The following SHISA6 variants were observed in gnomAD, a reference collection of about 807,000 sequenced individuals.
SHISA6 encodes protein shisa-6.
A neutral mutation model predicts 47.9 loss-of-function variants in SHISA6; 22 were observed. The observed-to-expected ratio is 0.46, with a 90% CI of 0.33 to 0.66. SHISA6 has a LOEUF of 0.66. SHISA6 is among the 30% of genes least tolerant of loss of function. The pLI, the probability that SHISA6 is intolerant of heterozygous loss-of-function variation, is 0.02. For synonymous variants in SHISA6, 388 were observed against 337.8 expected (o/e 1.15, Z -1.63); for missense variants, 680 against 764.6 (o/e 0.89, Z 1.30).
At chr17:11,266,770 G>C (rs993848935) in intron 2 of SHISA6, among the ~76,000 whole-genome samples, 1 of 152,190 alleles carries the variant, frequency 6.6e-6, no homozygotes, top group African/African-American at 2.4e-5. Flanking sequence ...CCTTAGACCA[G>C]GCAGGGCCCA....
chr17:11,419,932 G>A (rs1017511820), intron 3 of SHISA6, among the ~76,000 whole-genome samples: 5 of 152,264 alleles, frequency 3.3e-5, no homozygotes, highest in South Asian at 2.1e-4. Context: ...GGCTGGGTGC[G>A]GTGGCCCACA....
chr17:11,527,482 C>A lies in SHISA6; in HGVS notation c.896-24414C>A, dbSNP rs140924227. On this transcript the variant is annotated intron_variant, in intron 3 of 5. Coordinates refer to ENST00000441885, the MANE Select transcript of SHISA6 (RefSeq NM_207386.4). The stretch of plus-strand genomic sequence containing the variant: ...TGGATGATGTGTATGCCTTTCCAGC[C>A]ATATAAGGATGAGAAGGATAATCAT... Among the ~76,000 whole-genome samples the A allele has an allele frequency of 4.0e-4, 61 of 152,076 alleles. 1 individual carries two copies. In the East Asian group the frequency reaches 4.3e-3, roughly 11 times the overall value.
intron 1 of SHISA6, among the ~76,000 whole-genome samples, chr17:11,243,109 C>G (rs1907436811): frequency 1.3e-5 from 2 of 151,792 alleles, no homozygotes; most frequent in African/African-American, 4.8e-5. Context: ...GAGCACCCCC[C>G]AGACCACTGC....
chr17:11,304,295 A>G (rs1354367278), intron 2 of SHISA6, among the ~76,000 whole-genome samples: 1 of 152,170 alleles, frequency 6.6e-6, no homozygotes, highest in Non-Finnish European at 1.5e-5. Context: ...GAACAGGAAG[A>G]TGTGAGCTTC....
intron 3 of SHISA6, among the ~76,000 whole-genome samples, chr17:11,537,104 T>C (rs2071794459): frequency 6.6e-6 from 1 of 152,050 alleles, no homozygotes; most frequent in South Asian, 2.1e-4. Flanking sequence ...CACTTTTTTT[T>C]CAAGCAGAAT....
intron 3 of SHISA6, among the ~76,000 whole-genome samples, chr17:11,491,375 A>T (rs982220038): frequency 6.6e-6 from 1 of 152,154 alleles, no homozygotes; most frequent in African/African-American, 2.4e-5. Flanking sequence ...ATCACGGCCC[A>T]CTGCAGCCTT....
At chr17:11,280,444 G>A (rs1052016173) in intron 2 of SHISA6, among the ~76,000 whole-genome samples, 2 of 152,204 alleles carry the variant, frequency 1.3e-5, no homozygotes, top group African/African-American at 2.4e-5. Context: ...GGCGTCTGGC[G>A]AGAGAGGTTG....
At chr17:11,480,322 C>T (rs760252120) in intron 3 of SHISA6, among the ~76,000 whole-genome samples, 2 of 151,924 alleles carry the variant, frequency 1.3e-5, no homozygotes, top group Non-Finnish European at 2.9e-5. Flanking sequence ...AGTTTGATAC[C>T]TGTTATTAAT....
At chr17:11,245,634 C>T (rs1239330918) in intron 1 of SHISA6, among the ~76,000 whole-genome samples, 10 of 149,920 alleles carry the variant, frequency 6.7e-5, no homozygotes, top group African/African-American at 2.4e-5. Context: ...GGCTAATTAA[C>T]AGATGGGTCA....
intron 2 of SHISA6, among the ~76,000 whole-genome samples, chr17:11,321,124 G>A (rs1020574883): frequency 6.6e-6 from 1 of 152,182 alleles, no homozygotes; most frequent in African/African-American, 2.4e-5. Flanking sequence ...CAGCATCTTT[G>A]TCATTGTATT....
chr17:11,429,620 TAAAAAA>T (rs34738346), intron 3 of SHISA6, among the ~76,000 whole-genome samples: 10 of 121,570 alleles, frequency 8.2e-5, no homozygotes, highest in Admixed American at 8.6e-5. Context: ...CATCTCTACT[TAAAAAA>T]AAAAAAAAAA....
intron 3 of SHISA6, among the ~76,000 whole-genome samples, chr17:11,476,667 T>A (rs1342633285): frequency 6.6e-6 from 1 of 151,716 alleles, no homozygotes; most frequent in East Asian, 1.9e-4. Context: ...AAGGCATATT[T>A]CCTGGCCCAG....
At chr17:11,288,103 A>G (rs889536406) in intron 2 of SHISA6, 8 of 152,354 alleles carry the variant, frequency 5.3e-5, no homozygotes, top group African/African-American at 1.9e-4. Flanking sequence ...CATCTGTGAC[A>G]TCTTAAGGAT....
intron 1 of SHISA6, among the ~76,000 whole-genome samples, chr17:11,249,012 C>T (rs1597420363): frequency 3.9e-5 from 6 of 152,142 alleles, no homozygotes; most frequent in African/African-American, 1.4e-4. Context: ...GGTGGCGGCG[C>T]CTGTAGTCCC....
At chr17:11,530,211 A>G (rs2071720680) in intron 3 of SHISA6, among the ~76,000 whole-genome samples, 1 of 152,176 alleles carries the variant, frequency 6.6e-6, no homozygotes, top group Non-Finnish European at 1.5e-5. Flanking sequence ...CCTTATTGAT[A>G]ACACCATTGA....
intron 3 of SHISA6, among the ~76,000 whole-genome samples, chr17:11,529,709 T>C (rs1022781156): frequency 2.6e-5 from 4 of 152,116 alleles, no homozygotes; most frequent in Non-Finnish European, 5.9e-5. Context: ...GTAAGAGATT[T>C]GTGAGTCAAA....
intron 2 of SHISA6, among the ~76,000 whole-genome samples, chr17:11,320,190 A>G (rs1910662917): frequency 6.6e-6 from 1 of 152,230 alleles, no homozygotes; most frequent in South Asian, 2.1e-4. Context: ...AGTGAAGAAA[A>G]CTATTCTGAA....
intron 3 of SHISA6, among the ~76,000 whole-genome samples, chr17:11,463,666 G>A (rs1047228288): frequency 6.6e-6 from 1 of 152,160 alleles, no homozygotes; most frequent in Non-Finnish European, 1.5e-5. Context: ...ACATCATGGA[G>A]AATGTTCCTA....
chr17:11,324,513 T>C (rs920485273), intron 2 of SHISA6, among the ~76,000 whole-genome samples: 8 of 152,120 alleles, frequency 5.3e-5, no homozygotes, highest in Admixed American at 5.2e-4. Context: ...TCCTGGATAG[T>C]AGAAGCTCTT....
Sources: gnomAD v4.1 joint callset for allele counts (sites outside exome capture counted in the v4.1 genomes callset) on GRCh38, gnomAD v4.1.1 for gene constraint, MANE v1.5 for transcripts, NCBI Gene and HGNC (gene_info 2026-07-23, HGNC 2026-07-21) for gene names.